MYO9A: variants seen among roughly 807,000 people sequenced by gnomAD.
MYO9A encodes the protein unconventional myosin-IXa.
A neutral mutation model predicts 293.3 loss-of-function variants in MYO9A; 103 were observed. That is an observed-to-expected ratio of 0.35 (90% confidence interval 0.30 to 0.41). The LOEUF (loss-of-function observed/expected upper bound fraction) is 0.41, where lower values mean the gene tolerates loss of function less well. Ranked by LOEUF, MYO9A falls within the 10% of genes least tolerant of loss-of-function variation. The probability of loss-of-function intolerance (pLI) is 1.00; values close to 1 mark genes in which losing one functional copy is unlikely to be tolerated. For synonymous variants in MYO9A, 1,001 were observed against 1,035.7 expected, an observed-to-expected ratio of 0.97 and a Z score of 0.64; for missense variants, 2,685 against 3,033.0, an observed-to-expected ratio of 0.89 and a Z score of 2.69.
At chr15:71,843,138 A>G (rs1229611944) in intron 39 of MYO9A, among the ~76,000 whole-genome samples, 1 of 152,008 alleles carries the variant, frequency 6.6e-6, no homozygotes, top group African/African-American at 2.4e-5. Flanking sequence ...TTTTTAAATT[A>G]GTCTGTTTGG....
chr15:71,840,126 T>G (rs1186224986), intron 39 of MYO9A, among the ~76,000 whole-genome samples: 3 of 152,214 alleles, frequency 2.0e-5, no homozygotes, highest in Non-Finnish European at 4.4e-5. Context: ...CCATAGGAAG[T>G]CATATATTTC....
rs1022837107 is a variant in MYO9A at position 71,951,875 on chromosome 15, C to G, written c.2204G>C (p.Cys735Ser). Reference protein sequence around the residue: ...RKTGHDDTAPCAILKSMDSFS... With the variant: ...RKTGHDDTAPSAILKSMDSFS... ...ACTATCCATACTTTTCAAAATTGCACATGGCGCTGTATCATCATGTCCTTA... is the reference window on the plus strand; with the variant it reads ...ACTATCCATACTTTTCAAAATTGCAGATGGCGCTGTATCATCATGTCCTTA... Residue 735 changes from cysteine (C) to serine (S), a missense_variant, in exon 15 of 42, where the codon TGT becomes TCT. By Grantham distance (112) the Cys-to-Ser change is moderately radical. Around this residue, in one of 10 missense-constraint regions of MYO9A, gnomAD observed 1,434 missense variants for 1,497.7 expected, o/e 0.96. Transcript: ENST00000356056. 1.2e-6 allele frequency: 2 copies of G among 1,608,708 alleles called. No homozygotes were observed. Among genetic ancestry groups the G allele is most frequent in the Non-Finnish European group, 1.7e-6 (2 of 1,178,320 alleles).
At chr15:71,921,007 G>A (rs971290517) in intron 18 of MYO9A, among the ~76,000 whole-genome samples, 1 of 152,156 alleles carries the variant, frequency 6.6e-6, no homozygotes, top group Non-Finnish European at 1.5e-5. Flanking sequence ...GAGCAACACA[G>A]TAAAATTAGT....
At chr15:72,094,085 C>A (rs1032741692) in intron 1 of MYO9A, among the ~76,000 whole-genome samples, 6 of 90,178 alleles carry the variant, frequency 6.7e-5, no homozygotes, top group African/African-American at 1.6e-4. Flanking sequence ...TGGCTCGTAG[C>A]TATAATCCCA....
chr15:71,927,077 G>A lies in MYO9A; in HGVS notation c.2562+6593C>T, dbSNP rs560571112. ...CAAGTGGGCCCATCCTCAGGCCCTC[G>A]GGGAGGGCACAAATCCAATGATCAC... On this transcript the variant is annotated intron_variant, in intron 18 of 41. Coordinates refer to ENST00000356056, the MANE Select transcript of MYO9A (RefSeq NM_006901.4). Among the ~76,000 whole-genome samples, 284 of 152,222 alleles carry A rather than the reference G, an allele frequency of 1.9e-3. 2 individuals carry two copies. The highest frequency in any genetic ancestry group is 3.4e-3 in the Middle Eastern group (1 of 294).
chr15:71,994,057 A>C lies in MYO9A; in HGVS notation c.1587+412T>G, dbSNP rs571916599. Among the ~76,000 whole-genome samples the C allele has an allele frequency of 1.0e-3, 153 of 152,326 alleles. 1 individual carries two copies. In the Middle Eastern group the frequency reaches 0.01, roughly 10 times the overall value. On this transcript the variant is annotated intron_variant, in intron 10 of 41. Transcript: ENST00000356056. ...TATTTGTTACAGCATTGTTTATAAC[A>C]ATAAAACAAAATCTATTTTTAATGG...
intron 16 of MYO9A, among the ~76,000 whole-genome samples, chr15:71,936,526 C>T (rs554593510): frequency 1.2e-4 from 18 of 151,852 alleles, no homozygotes; most frequent in Non-Finnish European, 1.9e-4. Flanking sequence ...TTTGAGACGA[C>T]GAATATGGTA....
rs952653580 is a variant in MYO9A, at chr15:72,047,397, C to G, written c.-71-763G>C. ...TTTACCTAACCTTATTTATTGCATTCCTTACAAGTATTCTGCATTTTCTTC... is the reference window on the plus strand; with the variant it reads ...TTTACCTAACCTTATTTATTGCATTGCTTACAAGTATTCTGCATTTTCTTC... On this transcript the variant is annotated intron_variant, in intron 1 of 41. Transcript: ENST00000356056. 2.0e-5 allele frequency among the ~76,000 whole-genome samples: 3 copies of G among 152,160 alleles called. No individual in the cohort carries two copies. In the South Asian group the frequency reaches 6.2e-4, roughly 32 times the overall value.
chr15:71,876,484 G>A (rs1247226800), intron 31 of MYO9A, among the ~76,000 whole-genome samples: 2 of 134,904 alleles, frequency 1.5e-5, no homozygotes, highest in African/African-American at 5.7e-5. Context: ...TGCCCAGGCT[G>A]GAGGGCAGTG....
intron 19 of MYO9A, among the ~76,000 whole-genome samples, chr15:71,905,790 T>C (rs1255724725): frequency 9.4e-6 from 1 of 105,886 alleles, no homozygotes. Context: ...AAAAAAAAAT[T>C]TGGATCTGCT....
intron 18 of MYO9A, among the ~76,000 whole-genome samples, chr15:71,922,377 T>A (rs1355933897): frequency 6.6e-6 from 1 of 152,258 alleles, no homozygotes; most frequent in Non-Finnish European, 1.5e-5. Flanking sequence ...TGGGGCACAA[T>A]GTGATATTAT....
At chr15:72,026,296 AG>A (rs56922996) in intron 4 of MYO9A, among the ~76,000 whole-genome samples, 42,170 of 89,462 alleles carry the variant, frequency 0.47, 9,611 homozygotes, top group Non-Finnish European at 0.54. Flanking sequence ...AAAAAAAAAA[AG>A]AAAGAAAAGA....
At chr15:71,849,356 C>T (rs534618246) in intron 38 of MYO9A, among the ~76,000 whole-genome samples, 6 of 152,040 alleles carry the variant, frequency 3.9e-5, no homozygotes, top group South Asian at 4.1e-4. Flanking sequence ...GGCTGAGGCA[C>T]GAGAATCGCT....
chr15:72,065,416 G>A (rs921846982), intron 1 of MYO9A, among the ~76,000 whole-genome samples: 3 of 151,564 alleles, frequency 2.0e-5, no homozygotes, highest in Non-Finnish European at 4.4e-5. Flanking sequence ...TTGGGAGGCT[G>A]AGGCAGGAGA....
At chr15:71,835,553 G>C (rs1156302365) in intron 39 of MYO9A, among the ~76,000 whole-genome samples, 1 of 152,014 alleles carries the variant, frequency 6.6e-6, no homozygotes, top group Non-Finnish European at 1.5e-5. Context: ...TAAATACCTA[G>C]TAGTAATTCA....
At chr15:71,848,446 G>A (rs1015356185) in intron 39 of MYO9A, among the ~76,000 whole-genome samples, 2 of 152,068 alleles carry the variant, frequency 1.3e-5, no homozygotes, top group African/African-American at 4.8e-5. Context: ...AAATGATTAA[G>A]TTCTCTACAT....
Position 71,880,264 on chromosome 15 carries a change from T to C in MYO9A, c.5622+71A>G, listed in dbSNP as rs941099241. 3.9e-6 allele frequency: 5 copies of C among 1,272,720 alleles called. No individual in the cohort carries two copies. The African/African-American group carries it at 5.9e-5, about 15-fold the overall frequency. The allele number at this position is 1,272,720 out of a possible 1,614,324, so 78.8% of individuals were successfully genotyped here. ...ATATGTAATTTTGATATCTAGAGAG[T>C]ATATCCTGATATACACAAGTATTCC... On this transcript the variant is annotated intron_variant, in intron 29 of 41. Coordinates refer to ENST00000356056, the MANE Select transcript of MYO9A (RefSeq NM_006901.4).
chr15:71,851,405 A>G (rs1174451923), intron 36 of MYO9A, 47 bp from the exon 37 acceptor site: 1 of 1,440,216 alleles, frequency 6.9e-7, no homozygotes, highest in Admixed American at 1.8e-5. Flanking sequence ...CCCCCCTTAT[A>G]CAGTGTATCT....
In MYO9A at chr15:71,825,714, G is replaced by C. The variant is rs1465075344; in HGVS notation, c.*866C>G. The C allele has an allele frequency of 6.6e-6, 1 of 152,166 alleles. No homozygotes were observed. The highest frequency in any genetic ancestry group is 6.5e-5 in the Admixed American group (1 of 15,274). The allele number at this position is 152,166 out of a possible 1,614,324, so 9.4% of individuals were successfully genotyped here. On this transcript the variant is annotated 3_prime_UTR_variant, in exon 42 of 42. Transcript: ENST00000356056. The stretch of plus-strand genomic sequence containing the variant: ...CAAAGAGAAAAGCCTGAATGGCTTA[G>C]GATGAAACCTTCATAAGTTTAGGGA...
Sources: gnomAD v4.1 joint callset for allele counts (sites outside exome capture counted in the v4.1 genomes callset) on GRCh38, gnomAD v4.1.1 for gene constraint, gnomAD v4.1.1 regional missense constraint, MANE v1.5 for transcripts, NCBI Gene and HGNC (gene_info 2026-07-23, HGNC 2026-07-21) for gene names.